TCEA2: variants seen among roughly 807,000 people sequenced by gnomAD.
TCEA2 encodes transcription elongation factor A protein 2.
In TCEA2, 21 loss-of-function variants were observed where a neutral mutation model predicts 40.8. The observed-to-expected ratio is 0.51, with a 90% CI of 0.36 to 0.74. TCEA2 has a LOEUF of 0.74. Ranked by LOEUF, TCEA2 falls within the 30% of genes least tolerant of loss-of-function variation. The pLI is 0.00. For synonymous variants in TCEA2, 165 were observed against 162.7 expected, an observed-to-expected ratio of 1.01 and a Z score of -0.11; for missense variants, 326 against 426.5, an observed-to-expected ratio of 0.76 and a Z score of 2.08.
intron 1 of TCEA2, chr20:64,063,914 A>G (rs2059627241): frequency 6.5e-6 from 1 of 153,876 alleles, no homozygotes; most frequent in African/African-American, 2.4e-5. Flanking sequence ...TCCGTCTCCC[A>G]TAGCATTTGT....
chr20:64,060,564 C>T (rs2145438810), upstream of TCEA2, among the ~76,000 whole-genome samples: 3 of 152,296 alleles, frequency 2.0e-5, no homozygotes, highest in African/African-American at 7.2e-5. Context: ...TCTGATGAGG[C>T]TGGACCCTTC....
At chr20:64,066,607 G>A (rs1379591453) in intron 2 of TCEA2, 69 bp downstream of exon 2, 3 of 1,560,574 alleles carry the variant, frequency 1.9e-6, no homozygotes, top group Non-Finnish European at 2.6e-6. Flanking sequence ...AGTTCTGAGG[G>A]CACCTGGCAG....
rs545502259 is a variant in TCEA2, at chr20:64,067,903, TC to T, written c.242-140del. 27 of 607,998 alleles carry T rather than the reference TC, an allele frequency of 4.4e-5. No homozygotes were observed. The African/African-American group carries it at 5.1e-4, about 12-fold the overall frequency. 37.7% of individuals were successfully genotyped at this position (607,998 alleles called of 1,614,324 possible). A position where few individuals can be genotyped will look rare whatever the true frequency, so the allele number is the denominator to read the frequency against. On this transcript the variant is annotated intron_variant, in intron 3 of 9. Transcript: ENST00000343484. Reference sequence around the variant, plus strand: ...GCTGGGCAGCCTCCTGGCCCCTGGCTCCCCTGGCTGGGTGAGGGGCTGGGGG... The same window carrying T: ...GCTGGGCAGCCTCCTGGCCCCTGGCTCCCTGGCTGGGTGAGGGGCTGGGGG...
At chr20:64,066,437 A>T (rs2059695577) in intron 1 of TCEA2, 39 bp from the exon 2 acceptor site, 1 of 1,608,000 alleles carries the variant, frequency 6.2e-7, no homozygotes, top group South Asian at 1.1e-5. Context: ...GTCTGTTGAG[A>T]TCTAAAGTCC....
chr20:64,063,683 C>T, intron 1 of TCEA2: 1 of 462,712 alleles, frequency 2.2e-6, no homozygotes, highest in Non-Finnish European at 3.9e-6. Context: ...ACAGGCTCCG[C>T]ACCCTTCCCT....
rs1316908094 is a variant in TCEA2, at chr20:64,069,839, G to T, written c.517+18G>T. ...CGAGGAATATATCCTTTGGGTAGGG[G>T]CTGTGGGCCTGGGTTTCTGGTGGAG... On this transcript the variant is annotated intron_variant, in intron 6 of 9. Coordinates refer to ENST00000343484, the MANE Select transcript of TCEA2 (RefSeq NM_003195.6). The T allele has an allele frequency of 1.2e-6, 2 of 1,612,206 alleles. No homozygotes were observed. The highest frequency in any genetic ancestry group is 1.7e-6 in the Non-Finnish European group (2 of 1,179,974).
At chr20:64,072,059 G>T (rs2059851902) in intron 9 of TCEA2, 113 bp from the exon 10 acceptor site, 6 of 1,595,452 alleles carry the variant, frequency 3.8e-6, no homozygotes, top group Admixed American at 1.7e-5. Context: ...AGCCTCCTGG[G>T]AGTCTTGGGC....
upstream of TCEA2, chr20:64,056,921 T>G (rs922184056): frequency 2.0e-5 from 3 of 152,224 alleles, no homozygotes; most frequent in African/African-American, 7.2e-5. Flanking sequence ...CAGGGCCCCG[T>G]TGCCCACAGA....
At chr20:64,066,321 G>C in intron 1 of TCEA2, 155 bp from the exon 2 acceptor site, 1 of 796,774 alleles carries the variant, frequency 1.3e-6, no homozygotes, top group African/African-American at 1.7e-5. Context: ...GCAGAGCCCT[G>C]GGTGTCTCCA....
In TCEA2 at chr20:64,072,186, C is replaced by T. The variant is rs770554526; in HGVS notation, c.*6C>T. 6.2e-6 allele frequency: 10 copies of T among 1,613,366 alleles called. No individual in the cohort carries two copies. The highest frequency in any genetic ancestry group is 4.0e-5 in the African/African-American group (3 of 74,936). ...CTTTCTCGCAGTTCTGCTGACCCCT[C>T]GTGTAGATGTGCTGCAGCCTTGGGC... On this transcript the variant is annotated 3_prime_UTR_variant, in exon 10 of 10. Transcript: ENST00000343484.
chr20:64,069,720 G>A (rs1266312997), intron 5 of TCEA2, 45 bp from the exon 6 acceptor site: 21 of 1,592,158 alleles, frequency 1.3e-5, no homozygotes, highest in Admixed American at 1.7e-5. Context: ...GGGGTGGCAG[G>A]TGGAGAAACC....
chr20:64,069,472 C>T lies in TCEA2; in HGVS notation c.441C>T (p.Thr147=), dbSNP rs755849716. ...GCAACAAGTGCCGCGAGATGCTGACCGCTGCCCTGCAGACGGACCGTGAGT... is the reference window on the plus strand; with the variant it reads ...GCAACAAGTGCCGCGAGATGCTGACTGCTGCCCTGCAGACGGACCGTGAGT... ...AVRNKCREML[T]AALQTDHDHV... Residue 147 remains threonine (T), a synonymous_variant, in exon 5 of 10, where the codon ACC becomes ACT. Coordinates refer to ENST00000343484, the MANE Select transcript of TCEA2 (RefSeq NM_003195.6). The T allele has an allele frequency of 6.9e-5, 111 of 1,613,024 alleles. No homozygotes were observed. Among genetic ancestry groups the T allele is most frequent in the South Asian group, 1.2e-4 (11 of 91,076 alleles).
upstream of TCEA2, among the ~76,000 whole-genome samples, chr20:64,056,383 G>T (rs1476504624): frequency 6.6e-6 from 1 of 152,162 alleles, no homozygotes; most frequent in Non-Finnish European, 1.5e-5. Context: ...CCCTGCTGGT[G>T]GGGGCATCCA....
In TCEA2 at chr20:64,065,177, G is replaced by A. The variant is rs939617793; in HGVS notation, c.73-1299G>A. Among the ~76,000 whole-genome samples the A allele has an allele frequency of 1.1e-4, 16 of 152,266 alleles. 1 individual carries two copies. The South Asian group carries it at 1.7e-3, about 16-fold the overall frequency. ...TGGACCTGAGCCCACTGAGAGCCACGTAAGCAGGTGCAGGGCTTTCAGGGG... is the reference window on the plus strand; with the variant it reads ...TGGACCTGAGCCCACTGAGAGCCACATAAGCAGGTGCAGGGCTTTCAGGGG... On this transcript the variant is annotated intron_variant, in intron 1 of 9. Coordinates refer to ENST00000343484, the MANE Select transcript of TCEA2 (RefSeq NM_003195.6).
chr20:64,060,185 CCT>C (rs1314104344), upstream of TCEA2, among the ~76,000 whole-genome samples: 1 of 152,232 alleles, frequency 6.6e-6, no homozygotes, highest in Non-Finnish European at 1.5e-5. Flanking sequence ...CCAGGAGGGG[CCT>C]CTCTGTGCTG....
chr20:64,057,483 C>G (rs1277483625), exon 1 of TCEA2: 2 of 152,408 alleles, frequency 1.3e-5, no homozygotes, highest in East Asian at 3.9e-4. Flanking sequence ...AGTTCTTCAG[C>G]TGCCGAGGGC....
At chr20:64,064,901 A>G (rs2059651919) in intron 1 of TCEA2, among the ~76,000 whole-genome samples, 1 of 152,118 alleles carries the variant, frequency 6.6e-6, no homozygotes, top group South Asian at 2.1e-4. Context: ...GACAAAACAC[A>G]AACGATAAAA....
intron 7 of TCEA2, 33 bp downstream of exon 7, chr20:64,070,447 T>C: frequency 6.2e-7 from 1 of 1,613,646 alleles, no homozygotes; most frequent in South Asian, 1.1e-5. Flanking sequence ...GGAGGGCTGC[T>C]CCCTCGGAGC....
intron 3 of TCEA2, among the ~76,000 whole-genome samples, chr20:64,067,676 C>G (rs1346713397): frequency 6.6e-6 from 1 of 152,272 alleles, no homozygotes; most frequent in Non-Finnish European, 1.5e-5. Context: ...GCCCTTGGGC[C>G]TGGCTCTGGG....
Sources: allele counts gnomAD v4.1 joint callset (sites outside exome capture counted in the v4.1 genomes callset), GRCh38; gene constraint gnomAD v4.1.1; transcripts MANE v1.5; gene names NCBI Gene and HGNC (gene_info 2026-07-23, HGNC 2026-07-21).